MYBL2: variants seen among roughly 807,000 people sequenced by gnomAD.
The protein encoded by MYBL2 is MYB proto-oncogene like 2.
MYBL2 carries 28 observed loss-of-function variants against 79.9 expected under a neutral mutation model. The ratio of observed to expected loss-of-function variants is 0.35; its 90% confidence interval spans 0.26 to 0.48. MYBL2 has a LOEUF of 0.48. MYBL2 is among the 20% of genes least tolerant of loss of function. The pLI is 0.99. For synonymous variants in MYBL2, 378 were observed against 361.2 expected (o/e 1.05, Z -0.53); for missense variants, 735 against 893.9 (o/e 0.82, Z 2.27).
At chr20:43,713,942 T>A (rs1276702077) in intron 12 of MYBL2, among the ~76,000 whole-genome samples, 8 of 152,264 alleles carry the variant, frequency 5.3e-5, no homozygotes, top group African/African-American at 1.9e-4. Context: ...GGCGGCGTCA[T>A]GAACAAAGGT....
chr20:43,708,443 C>CT (rs2145733147), intron 9 of MYBL2, among the ~76,000 whole-genome samples: 1 of 151,434 alleles, frequency 6.6e-6, no homozygotes, highest in South Asian at 2.1e-4. Context: ...TCTTTTTTTT[C>CT]TTTTTTCCGA....
At chr20:43,713,295 G>A (rs1255979155) in intron 12 of MYBL2, among the ~76,000 whole-genome samples, 189 bp downstream of exon 12, 1 of 152,070 alleles carries the variant, frequency 6.6e-6, no homozygotes, top group Non-Finnish European at 1.5e-5. Context: ...AGAAGGTTTT[G>A]TTTGGCAGAG....
intron 2 of MYBL2, among the ~76,000 whole-genome samples, chr20:43,680,745 G>A (rs562974653): frequency 2.0e-5 from 3 of 152,092 alleles, no homozygotes; most frequent in East Asian, 1.9e-4. Context: ...TGCCCACCAC[G>A]GCCTCCCAAA....
chr20:43,705,386 G>A lies in MYBL2; in HGVS notation c.1505+28G>A, dbSNP rs756008671. ...GAGTGCTGCAGTGCCCCCAACCTTCGCCGTCCTCTCCCTCAGCAACACCAG... is the reference window on the plus strand; with the variant it reads ...GAGTGCTGCAGTGCCCCCAACCTTCACCGTCCTCTCCCTCAGCAACACCAG... On this transcript the variant is annotated intron_variant, in intron 9 of 13. Transcript: ENST00000217026. 22 of 1,572,722 alleles carry A rather than the reference G, an allele frequency of 1.4e-5. No homozygotes were observed. The South Asian group carries it at 1.5e-4, about 11-fold the overall frequency.
At chr20:43,710,309 G>A (rs1345715104) in intron 10 of MYBL2, among the ~76,000 whole-genome samples, 3 of 152,178 alleles carry the variant, frequency 2.0e-5, no homozygotes, top group African/African-American at 4.8e-5. Flanking sequence ...GTGGTATCCC[G>A]TGACACTCAG....
In MYBL2 at chr20:43,711,416, TG is replaced by T. The variant is rs139539111; in HGVS notation, c.1606-70del. 3,802 of 1,208,370 alleles carry T rather than the reference TG, an allele frequency of 3.1e-3. 109 individuals carry two copies. In the African/African-American group the frequency reaches 0.049, roughly 16 times the overall value. The allele number at this position is 1,208,370 out of a possible 1,614,324, so 74.9% of individuals were successfully genotyped here. A position where few individuals can be genotyped will look rare whatever the true frequency, so the allele number is the denominator to read the frequency against. Reference sequence around the variant, plus strand: ...CAGGACAGCCCAGTTGCAGCTGGGTTGGTCCCACAGTCCCACACACACACAG... The same window carrying T: ...CAGGACAGCCCAGTTGCAGCTGGGTTGTCCCACAGTCCCACACACACACAG... On this transcript the variant is annotated intron_variant, in intron 10 of 13. Coordinates refer to ENST00000217026, the MANE Select transcript of MYBL2 (RefSeq NM_002466.4).
chr20:43,715,015 G>T, intron 12 of MYBL2, 119 bp from the exon 13 acceptor site: 1 of 1,186,698 alleles, frequency 8.4e-7, no homozygotes, highest in Non-Finnish European at 1.2e-6. Context: ...GGAAAAGTGT[G>T]TATCCTCTTT....
At chr20:43,682,743 G>C (rs192858230) in intron 3 of MYBL2, 51 bp from the exon 4 acceptor site, 26 of 1,578,396 alleles carry the variant, frequency 1.6e-5, no homozygotes, top group Non-Finnish European at 2.2e-5. Context: ...CCCCCAGCCC[G>C]AGGTCCCAGA....
chr20:43,696,625 G>C (rs568802432), intron 6 of MYBL2, among the ~76,000 whole-genome samples: 2 of 152,296 alleles, frequency 1.3e-5, no homozygotes, highest in African/African-American at 2.4e-5. Flanking sequence ...TGAATTTGCC[G>C]TATCTTATTT....
intron 7 of MYBL2, 53 bp downstream of exon 7, chr20:43,700,097 T>C (rs1406028750): frequency 6.3e-7 from 1 of 1,583,286 alleles, no homozygotes; most frequent in Non-Finnish European, 8.6e-7. Flanking sequence ...CAGCAGGAAG[T>C]GCTTCTCTCT....
At position 43,713,059 on chromosome 20, in the gene MYBL2, G is replaced by A; in HGVS notation, c.1777G>A (p.Glu593Lys). The A allele has an allele frequency of 6.2e-7, 1 of 1,613,494 alleles. No homozygotes were observed. Among genetic ancestry groups the A allele is most frequent in the Non-Finnish European group, 8.5e-7 (1 of 1,179,788 alleles). ...GTCTCTGGCTCTTGACATTGTGGAT[G>A]AGGATGTGAAGCTGATGATGTCCAC... ...RKSLALDIVD[E>K]DVKLMMSTLP... Residue 593 changes from glutamate to lysine, a missense_variant, in exon 12 of 14, where the codon GAG (glutamate) becomes AAG (lysine). By Grantham distance (56) the Glu-to-Lys change is moderately conservative. Coordinates refer to ENST00000217026, the MANE Select transcript of MYBL2 (RefSeq NM_002466.4).
At chr20:43,714,075 C>T (rs1226452290) in intron 12 of MYBL2, among the ~76,000 whole-genome samples, 2 of 152,180 alleles carry the variant, frequency 1.3e-5, no homozygotes, top group East Asian at 3.9e-4. Flanking sequence ...AAGAAAAAAA[C>T]ATCACCGCAG....
Position 43,683,936 on chromosome 20 carries a change from TTTGA to T in MYBL2, c.279+1059_279+1062del, listed in dbSNP as rs1322663733. Among the ~76,000 whole-genome samples, 23 of 152,026 alleles carry T rather than the reference TTTGA, an allele frequency of 1.5e-4. 1 individual carries two copies. The highest frequency in any genetic ancestry group is 2.2e-4 in the Non-Finnish European group (15 of 68,016). ...TGGCTGGAGAGTGTTGGCTAATTTT[TTTGA>T]TTGATTGAGGCGGGGGTTCGCTCTG... is the stretch of plus-strand genomic sequence containing the variant. On this transcript the variant is annotated intron_variant, in intron 4 of 13. Transcript: ENST00000217026.
At chr20:43,673,969 A>C in intron 2 of MYBL2, 70 bp downstream of exon 2, 2 of 1,328,332 alleles carry the variant, frequency 1.5e-6, no homozygotes, top group Non-Finnish European at 2.1e-6. Flanking sequence ...CCTGGAGTGT[A>C]TTTGATGTCT....
In MYBL2 at chr20:43,716,088, G is replaced by C; in HGVS notation, c.*1G>C. The C allele has an allele frequency of 6.2e-7, 1 of 1,605,436 alleles. No homozygotes were observed. The highest frequency in any genetic ancestry group is 8.5e-7 in the Non-Finnish European group (1 of 1,179,624). Reference sequence around the variant, plus strand: ...ATCTCGGACCCTCATCTTGTCCTGAGGTGTTGAGGGTGTCACGAGCCCATT... The same window carrying C: ...ATCTCGGACCCTCATCTTGTCCTGACGTGTTGAGGGTGTCACGAGCCCATT... On this transcript the variant is annotated 3_prime_UTR_variant, in exon 14 of 14. Transcript: ENST00000217026.
intron 6 of MYBL2, among the ~76,000 whole-genome samples, chr20:43,698,775 C>T (rs1987616899): frequency 1.3e-5 from 2 of 150,188 alleles, no homozygotes; most frequent in Admixed American, 6.7e-5. Flanking sequence ...CTCAAGGGGT[C>T]CTCTTGCCTG....
chr20:43,711,502 C>T lies in MYBL2; in HGVS notation c.1620C>T (p.His540=), dbSNP rs1214304928. ...CCTACCCACAGCCACAGACCCCGCACCTGGAGGAGGACTTGAAGGAGGTGC... is the reference window on the plus strand; with the variant it reads ...CCTACCCACAGCCACAGACCCCGCATCTGGAGGAGGACTTGAAGGAGGTGC... The part of the protein sequence containing the change: ...GPLKPLPQTP[H]LEEDLKEVLR... Residue 540 remains histidine, a synonymous_variant, in exon 11 of 14, where the codon CAC becomes CAT. Coordinates refer to ENST00000217026, the MANE Select transcript of MYBL2 (RefSeq NM_002466.4). 2.5e-6 allele frequency: 4 copies of T among 1,613,286 alleles called. No homozygotes were observed. The highest frequency in any genetic ancestry group is 2.2e-5 in the South Asian group (2 of 90,892).
At chr20:43,703,985 G>A (rs1284483560) in intron 8 of MYBL2, among the ~76,000 whole-genome samples, 2 of 152,040 alleles carry the variant, frequency 1.3e-5, no homozygotes, top group African/African-American at 2.4e-5. Flanking sequence ...AAGGACACCC[G>A]TTATTGGATT....
At chr20:43,697,391 C>A (rs928389736) in intron 6 of MYBL2, among the ~76,000 whole-genome samples, 4 of 151,988 alleles carry the variant, frequency 2.6e-5, no homozygotes, top group Non-Finnish European at 5.9e-5. Flanking sequence ...GGGCGGATCA[C>A]TTGAGGCTAG....
Sources: allele counts gnomAD v4.1 joint callset (sites outside exome capture counted in the v4.1 genomes callset), GRCh38; gene constraint gnomAD v4.1.1; transcripts MANE v1.5; gene names NCBI Gene and HGNC (gene_info 2026-07-23, HGNC 2026-07-21).